Variants in CCDC192 observed in about 807,000 individuals in gnomAD.
CCDC192 encodes coiled-coil domain containing 192.
At chr5:127,799,798 A>G (rs1249238504) in intron 5 of CCDC192, among the ~76,000 whole-genome samples, 2 of 152,176 alleles carry the variant, frequency 1.3e-5, no homozygotes, top group Non-Finnish European at 2.9e-5. Context: ...GGGTATTGAT[A>G]CCAGTGACTG....
At chr5:127,860,262 A>G (rs1390061906) in intron 5 of CCDC192, among the ~76,000 whole-genome samples, 1 of 152,230 alleles carries the variant, frequency 6.6e-6, no homozygotes, top group African/African-American at 2.4e-5. Context: ...ACAGTCTGGC[A>G]TATAGTACAT....
chr5:127,932,880 G>A (rs1754078099), intron 6 of CCDC192, among the ~76,000 whole-genome samples: 1 of 152,180 alleles, frequency 6.6e-6, no homozygotes, highest in Admixed American at 6.5e-5. Context: ...AAACATGGAT[G>A]TGAAGTGTTC....
At chr5:127,858,053 A>G (rs545838228) in intron 5 of CCDC192, among the ~76,000 whole-genome samples, 24 of 152,320 alleles carry the variant, frequency 1.6e-4, no homozygotes, top group African/African-American at 4.8e-4. Context: ...TAGCAATAAT[A>G]TCTATTTCAC....
chr5:127,861,742 G>GC (rs1554081835), intron 5 of CCDC192, among the ~76,000 whole-genome samples: 1 of 151,880 alleles, frequency 6.6e-6, no homozygotes, highest in African/African-American at 2.4e-5. Flanking sequence ...AACCATATGA[G>GC]TTAATTCATG....
chr5:127,852,716 G>T (rs1750855580), intron 5 of CCDC192, among the ~76,000 whole-genome samples: 1 of 152,174 alleles, frequency 6.6e-6, no homozygotes, highest in Non-Finnish European at 1.5e-5. Flanking sequence ...CTCACACTTA[G>T]TTCTTAACTG....
At chr5:127,828,120 T>G (rs1465310739) in intron 5 of CCDC192, among the ~76,000 whole-genome samples, 1 of 152,238 alleles carries the variant, frequency 6.6e-6, no homozygotes, top group Non-Finnish European at 1.5e-5. Context: ...TTGGCCAGGC[T>G]GGTCTCAAAC....
At chr5:127,850,497 T>C (rs1370460975) in intron 5 of CCDC192, among the ~76,000 whole-genome samples, 1 of 152,176 alleles carries the variant, frequency 6.6e-6, no homozygotes, top group Non-Finnish European at 1.5e-5. Flanking sequence ...TTCTCCATTC[T>C]ATAGGTCTTC....
intron 2 of CCDC192, among the ~76,000 whole-genome samples, chr5:127,734,471 T>A (rs1268233039): frequency 2.7e-5 from 4 of 150,014 alleles, no homozygotes; most frequent in Non-Finnish European, 6.0e-5. Context: ...CAAATGGTAT[T>A]TCCAGTTCTA....
chr5:127,775,334 A>G (rs1052420438), intron 3 of CCDC192, among the ~76,000 whole-genome samples: 2 of 152,216 alleles, frequency 1.3e-5, no homozygotes, highest in African/African-American at 2.4e-5. Context: ...ATAAGCCCCT[A>G]TGTTCCAGAG....
intron 5 of CCDC192, among the ~76,000 whole-genome samples, chr5:127,833,307 G>C (rs759702224): frequency 5.3e-5 from 8 of 152,044 alleles, no homozygotes; most frequent in Non-Finnish European, 1.0e-4. Flanking sequence ...TATTTTACAT[G>C]TTCATCACTT....
chr5:127,777,031 G>T (rs1380458197), intron 3 of CCDC192, among the ~76,000 whole-genome samples: 4 of 152,214 alleles, frequency 2.6e-5, no homozygotes, highest in African/African-American at 9.6e-5. Context: ...CTTCACTGGG[G>T]CACTGCCTAG....
chr5:127,914,879 A>G (rs1753474056), intron 6 of CCDC192, among the ~76,000 whole-genome samples: 1 of 152,180 alleles, frequency 6.6e-6, no homozygotes. Flanking sequence ...CCAAATGCAT[A>G]CAACAATCAA....
chr5:127,888,204 T>G (rs1752626900), intron 6 of CCDC192, among the ~76,000 whole-genome samples: 1 of 151,972 alleles, frequency 6.6e-6, no homozygotes, highest in East Asian at 1.9e-4. Flanking sequence ...TCACTTGAAG[T>G]CAGGGGTTCG....
chr5:127,904,368 A>C (rs762713474), intron 6 of CCDC192, among the ~76,000 whole-genome samples: 9 of 152,222 alleles, frequency 5.9e-5, no homozygotes, highest in Non-Finnish European at 1.0e-4. Context: ...TTGTTAGAGC[A>C]GCAATAATAA....
chr5:127,790,030 G>T (rs1756775435), intron 3 of CCDC192, among the ~76,000 whole-genome samples: 1 of 152,204 alleles, frequency 6.6e-6, no homozygotes, highest in Admixed American at 6.5e-5. Flanking sequence ...CATGCAGTAG[G>T]GCTGGGTGGG....
At chr5:127,795,329 G>T (rs1477505518) in intron 3 of CCDC192, among the ~76,000 whole-genome samples, 1 of 145,990 alleles carries the variant, frequency 6.8e-6, no homozygotes, top group African/African-American at 2.5e-5. Flanking sequence ...TAAATATTTA[G>T]ATAAAACCCA....
At chr5:127,904,953 C>T (rs1753156105) in intron 6 of CCDC192, among the ~76,000 whole-genome samples, 1 of 152,042 alleles carries the variant, frequency 6.6e-6, no homozygotes, top group South Asian at 2.1e-4. Context: ...CAATGAAAAG[C>T]CTCTGTGCAA....
intron 2 of CCDC192, among the ~76,000 whole-genome samples, chr5:127,749,170 A>G (rs2126859550): frequency 6.6e-6 from 1 of 151,928 alleles, no homozygotes; most frequent in South Asian, 2.1e-4. Context: ...GTGGTGAGAG[A>G]GGGCATCCCT....
chr5:127,814,745 C>A (rs1289076542), intron 5 of CCDC192, among the ~76,000 whole-genome samples: 7 of 152,130 alleles, frequency 4.6e-5, no homozygotes, highest in African/African-American at 1.2e-4. Flanking sequence ...TCCAGCAAAG[C>A]AATCCCTTGC....
Sources: allele counts gnomAD v4.1 joint callset (sites outside exome capture counted in the v4.1 genomes callset), GRCh38; gene constraint gnomAD v4.1.1; transcripts MANE v1.5; gene names NCBI Gene and HGNC (gene_info 2026-07-23, HGNC 2026-07-21).